Variants in ALK observed in about 807,000 individuals in gnomAD.
The protein encoded by ALK is ALK tyrosine kinase receptor.
Under a neutral mutation model 163.1 loss-of-function variants are expected in ALK, and 74 were observed. The observed-to-expected ratio is 0.45, with a 90% CI of 0.38 to 0.55. ALK has a LOEUF of 0.55. Ranked by LOEUF, ALK falls within the 20% of genes least tolerant of loss-of-function variation. ALK has a pLI of 0.00. For missense variants in ALK, 2,063 were observed against 2,105.3 expected (o/e 0.98, Z 0.39); for synonymous variants, 960 against 843.2 (o/e 1.14, Z -2.40).
chr2:29,198,762 T>C (rs1384761541), intron 26 of ALK, among the ~76,000 whole-genome samples: 1 of 152,216 alleles, frequency 6.6e-6, no homozygotes, highest in Admixed American at 6.5e-5. Flanking sequence ...GTTTATTGAC[T>C]TGATAATTCA....
chr2:29,840,311 G>C (rs1572425730), intron 1 of ALK, among the ~76,000 whole-genome samples: 1 of 152,104 alleles, frequency 6.6e-6, no homozygotes, highest in African/African-American at 2.4e-5. Flanking sequence ...CAAATGCTTG[G>C]AGAGATAAAG....
At chr2:29,488,844 C>G (rs56946121) in intron 4 of ALK, among the ~76,000 whole-genome samples, 1,547 of 152,224 alleles carry the variant, frequency 0.01, 25 homozygotes, top group African/African-American at 0.035. Flanking sequence ...AGGCTGTTGT[C>G]TTTGTCTAAG....
chr2:29,911,399 A>G (rs1254074545), intron 1 of ALK, among the ~76,000 whole-genome samples: 2 of 152,232 alleles, frequency 1.3e-5, no homozygotes, highest in Admixed American at 1.3e-4. Context: ...CCTTCAGTCC[A>G]AAGGGTATGG....
intron 12 of ALK, 125 bp from the exon 13 acceptor site, chr2:29,239,955 C>G (rs1423752349): frequency 8.9e-7 from 1 of 1,127,450 alleles, no homozygotes; most frequent in Non-Finnish European, 1.2e-6. Flanking sequence ...TCCCCCATAT[C>G]AGTCCCTGCA....
In ALK at chr2:29,884,463, T is replaced by C. The variant is rs370424454; in HGVS notation, c.667+35530A>G. Among the ~76,000 whole-genome samples, 10 of 147,542 alleles carry C rather than the reference T, an allele frequency of 6.8e-5. No individual in the cohort carries two copies. The South Asian group carries it at 1.3e-3, about 19-fold the overall frequency. ...AATGAATCCAGCATAAAGACCATTG[T>C]AAAAAAAAAAATGTGAAGCCATTGC... On this transcript the variant is annotated intron_variant, in intron 1 of 28. Coordinates refer to ENST00000389048, the MANE Select transcript of ALK (RefSeq NM_004304.5).
At chr2:29,264,923 TACTC>T (rs1482756763) in intron 11 of ALK, among the ~76,000 whole-genome samples, 9 of 152,274 alleles carry the variant, frequency 5.9e-5, no homozygotes, top group South Asian at 2.1e-4. Flanking sequence ...CACTCTCACA[TACTC>T]ACTCGAACAC....
chr2:29,638,429 G>T lies in ALK; in HGVS notation c.952+56421C>A, dbSNP rs188448724. Among the ~76,000 whole-genome samples, 219 of 151,506 alleles carry T rather than the reference G, an allele frequency of 1.4e-3. 1 individual carries two copies. The highest frequency in any genetic ancestry group is 6.8e-3 in the Middle Eastern group (2 of 294). On this transcript the variant is annotated intron_variant, in intron 3 of 28. Coordinates refer to ENST00000389048, the MANE Select transcript of ALK (RefSeq NM_004304.5). ...CTCAAGCAATCTTCATTTTGTTTGG[G>T]GAGACAAGAATGATGACAGCCAGGA...
chr2:29,827,340 T>C (rs1441414273), intron 1 of ALK, among the ~76,000 whole-genome samples: 2 of 152,362 alleles, frequency 1.3e-5, no homozygotes, highest in African/African-American at 2.4e-5. Context: ...CAAAACCCAA[T>C]TGACCTTCAA....
At chr2:29,831,249 AAGAG>A (rs1665403377) in intron 1 of ALK, among the ~76,000 whole-genome samples, 1 of 87,068 alleles carries the variant, frequency 1.1e-5, no homozygotes, top group African/African-American at 4.4e-5. Context: ...GAAGAAGAGG[AAGAG>A]GAAGAGGAAG....
At chr2:29,907,866 T>C (rs72857520) in intron 1 of ALK, among the ~76,000 whole-genome samples, 9,312 of 152,208 alleles carry the variant, frequency 0.061, 918 homozygotes, top group African/African-American at 0.21. Context: ...GCCAACCACT[T>C]GCCCCTCAAA....
chr2:29,709,379 T>C (rs1464723919), intron 2 of ALK, among the ~76,000 whole-genome samples: 7 of 152,108 alleles, frequency 4.6e-5, no homozygotes, highest in Admixed American at 4.6e-4. Context: ...TGAAAGGCTG[T>C]AGGTTGGGAA....
chr2:29,691,607 T>C (rs1237020225), intron 3 of ALK, among the ~76,000 whole-genome samples: 1 of 152,204 alleles, frequency 6.6e-6, no homozygotes, highest in African/African-American at 2.4e-5. Flanking sequence ...GGGATCCAGC[T>C]TCATAAAAAC....
intron 1 of ALK, among the ~76,000 whole-genome samples, chr2:29,815,467 T>C (rs1664873941): frequency 6.6e-6 from 1 of 152,048 alleles, no homozygotes; most frequent in African/African-American, 2.4e-5. Context: ...GCAAAGAAGG[T>C]GAGGGAGGCA....
At chr2:29,810,346 C>T (rs551104726) in intron 1 of ALK, among the ~76,000 whole-genome samples, 32 of 149,240 alleles carry the variant, frequency 2.1e-4, no homozygotes, top group Non-Finnish European at 3.7e-4. Context: ...CGCTTGAACC[C>T]GGGAGGCAGA....
intron 3 of ALK, among the ~76,000 whole-genome samples, chr2:29,654,314 T>C (rs906173239): frequency 6.6e-6 from 1 of 152,132 alleles, no homozygotes; most frequent in Non-Finnish European, 1.5e-5. Context: ...GCTTTCTGTC[T>C]TTACCACACC....
intron 1 of ALK, among the ~76,000 whole-genome samples, chr2:29,841,238 T>C (rs1432022520): frequency 6.6e-6 from 1 of 152,180 alleles, no homozygotes; most frequent in Non-Finnish European, 1.5e-5. Flanking sequence ...TATTAAGCAA[T>C]TTTTTCCAAG....
chr2:29,408,085 T>TTA (rs1458921271), intron 4 of ALK, among the ~76,000 whole-genome samples: 11 of 148,306 alleles, frequency 7.4e-5, no homozygotes, highest in African/African-American at 2.3e-4. Context: ...AAAGTTCTTT[T>TTA]TCTTTTTTTT....
At chr2:29,886,701 C>T (rs1425372860) in intron 1 of ALK, among the ~76,000 whole-genome samples, 2 of 152,220 alleles carry the variant, frequency 1.3e-5, no homozygotes, top group Non-Finnish European at 2.9e-5. Context: ...TCCAGAAGTT[C>T]ACTTTGCACA....
chr2:29,401,289 G>C (rs559463182), intron 4 of ALK, among the ~76,000 whole-genome samples: 1 of 152,174 alleles, frequency 6.6e-6, no homozygotes, highest in South Asian at 2.1e-4. Context: ...GTGGTGGTGA[G>C]AGTCTCTTTC....
Sources: allele counts gnomAD v4.1 joint callset (sites outside exome capture counted in the v4.1 genomes callset), GRCh38; gene constraint gnomAD v4.1.1; transcripts MANE v1.5; gene names NCBI Gene and HGNC (gene_info 2026-07-23, HGNC 2026-07-21).